CACNB4: variants seen among roughly 807,000 people sequenced by gnomAD.
The protein encoded by CACNB4 is calcium voltage-gated channel auxiliary subunit beta 4.
Under a neutral mutation model 71.2 loss-of-function variants are expected in CACNB4, and 32 were observed. The ratio of observed to expected loss-of-function variants is 0.45; its 90% CI spans 0.34 to 0.60. CACNB4 has a LOEUF of 0.60. Ranked by LOEUF, CACNB4 falls within the 20% of genes least tolerant of loss-of-function variation. The pLI is 0.01. For missense variants in CACNB4, 464 were observed against 647.9 expected, an observed-to-expected ratio of 0.72 and a Z score of 3.08; for synonymous variants, 231 against 236.9, an observed-to-expected ratio of 0.97 and a Z score of 0.23.
At chr2:152,007,774 ATT>A (rs35311254) in intron 2 of CACNB4, among the ~76,000 whole-genome samples, 53 of 144,682 alleles carry the variant, frequency 3.7e-4, no homozygotes, top group Middle Eastern at 7.1e-3. Context: ...ATTCTACGTA[ATT>A]TTTTTTTTTT....
intron 2 of CACNB4, among the ~76,000 whole-genome samples, chr2:152,057,441 A>G (rs1685783505): frequency 6.6e-6 from 1 of 152,214 alleles, no homozygotes; most frequent in African/African-American, 2.4e-5. Flanking sequence ...ACAAAAACCT[A>G]AAAATAAACA....
intron 2 of CACNB4, among the ~76,000 whole-genome samples, chr2:152,028,228 G>A (rs750192163): frequency 1.3e-5 from 2 of 152,134 alleles, no homozygotes; most frequent in Admixed American, 1.3e-4. Flanking sequence ...TGAACCAAAG[G>A]GTTGTGGATT....
chr2:151,954,305 GTA>G (rs1255428694), intron 2 of CACNB4, among the ~76,000 whole-genome samples: 17 of 152,188 alleles, frequency 1.1e-4, no homozygotes, highest in Admixed American at 6.5e-5. Context: ...AATTAATAGA[GTA>G]ATTTTATTTA....
rs1189088979 is a variant in CACNB4, at chr2:151,853,498, G to A, written c.1066C>T (p.His356Tyr). 7.5e-6 allele frequency: 12 copies of A among 1,600,652 alleles called. No homozygotes were observed. The Admixed American group carries it at 2.1e-4, about 28-fold the overall frequency. Residue 356 changes from histidine (H) to tyrosine (Y), a missense_variant, in exon 12 of 14, where the codon CAC (histidine) becomes TAC (tyrosine). His to Tyr is a moderately conservative substitution (Grantham distance 83). Coordinates refer to ENST00000539935, the MANE Select transcript of CACNB4 (RefSeq NM_000726.5). Reference sequence around the variant, plus strand: ...GCTGCCACCAGTTGAACATTCAAGTGTTTACTTTGTGACTTTCCTCTAGAT... The same window carrying A: ...GCTGCCACCAGTTGAACATTCAAGTATTTACTTTGTGACTTTCCTCTAGAT... ...IKSRGKSQSK[H>Y]LNVQLVAADK...
At chr2:151,867,429 G>C (rs1160878200) in intron 9 of CACNB4, 1 of 152,190 alleles carries the variant, frequency 6.6e-6, no homozygotes, top group Non-Finnish European at 1.5e-5. Context: ...GTTTCAAACA[G>C]AAGCAGGTTG....
chr2:151,976,532 TA>T (rs932851213), intron 2 of CACNB4, among the ~76,000 whole-genome samples: 5 of 152,096 alleles, frequency 3.3e-5, no homozygotes, highest in African/African-American at 1.2e-4. Flanking sequence ...CCACAGCTGA[TA>T]ACTAAAAATC....
intron 3 of CACNB4, 55 bp downstream of exon 3, chr2:151,883,196 G>C: frequency 1.3e-5 from 21 of 1,581,194 alleles, no homozygotes; most frequent in Non-Finnish European, 1.8e-5. Context: ...AAGAGCAGCT[G>C]GTAGCCACTG....
intron 2 of CACNB4, among the ~76,000 whole-genome samples, chr2:151,992,293 G>A (rs984177655): frequency 2.6e-5 from 4 of 152,196 alleles, no homozygotes; most frequent in African/African-American, 9.7e-5. Context: ...TTATGTGTGG[G>A]TATAAGACAA....
Position 151,839,298 on chromosome 2 carries a change from A to C in CACNB4, c.1384T>G (p.Tyr462Asp). 6.2e-7 allele frequency: 1 copy of C among 1,613,594 alleles called. No homozygotes were observed. The highest frequency in any genetic ancestry group is 2.2e-5 in the East Asian group (1 of 44,876). The part of the protein sequence containing the change: ...RRSLMTSDEN[Y>D]HNERARKSRN... Reference sequence around the variant, plus strand: ...CTCTTCCGAGCCCTTTCATTGTGATAATTTTCATCAGAGGTCATTAGACTT... The same window carrying C: ...CTCTTCCGAGCCCTTTCATTGTGATCATTTTCATCAGAGGTCATTAGACTT... The change falls in exon 14 of 14, where the codon TAT becomes GAT. Residue 462 changes from tyrosine (Y) to aspartate (D), a missense_variant. Physicochemically the swap from Tyr to Asp is radical, Grantham distance 160. Transcript: ENST00000539935.
rs185861340 is a variant in CACNB4 at position 152,035,826 on chromosome 2, T to G, written c.147+62504A>C. Among the ~76,000 whole-genome samples the G allele has an allele frequency of 4.2e-3, 637 of 152,222 alleles. 7 individuals are homozygous for G. The highest frequency in any genetic ancestry group is 6.3e-3 in the Non-Finnish European group (428 of 68,026). On this transcript the variant is annotated intron_variant, in intron 2 of 13. Transcript: ENST00000539935. ...AGAATAAATTAAATTCTCCATAAGA[T>G]TTTTAAACTCCATCATATCATTGAG...
At chr2:151,875,571 CG>C (rs2099845820) in intron 5 of CACNB4, among the ~76,000 whole-genome samples, 1 of 148,930 alleles carries the variant, frequency 6.7e-6, no homozygotes. Flanking sequence ...TAGGGGCGGC[CG>C]GGCAGAGGCG....
intron 2 of CACNB4, among the ~76,000 whole-genome samples, chr2:152,000,559 G>A (rs1355530521): frequency 6.6e-6 from 1 of 152,160 alleles, no homozygotes; most frequent in Non-Finnish European, 1.5e-5. Flanking sequence ...CCCGGATCCT[G>A]CAAACCCAAG....
rs1195374507 is a variant in CACNB4 at position 151,855,248 on chromosome 2, A to G, written c.996T>C (p.Val332=). 6.5e-7 allele frequency: 1 copy of G among 1,541,736 alleles called. No individual in the cohort carries two copies. Among genetic ancestry groups the G allele is most frequent in the Admixed American group, 1.7e-5 (1 of 59,004 alleles). ...LIKTSLAPII[V]HVKVSSPKVL... is the part of the protein sequence containing the mutation. ...CCTTTGGAGATGAGACTTTTACATG[A>G]ACAATAATTGGTGCTAAGGAAGTCT... The change falls in exon 11 of 14, where the codon GTT becomes GTC. Residue 332 remains valine (V), a synonymous_variant. Coordinates refer to ENST00000539935, the MANE Select transcript of CACNB4 (RefSeq NM_000726.5).
At position 151,839,279 on chromosome 2, in the gene CACNB4, C is replaced by T. The variant is rs1169898698; in HGVS notation, c.1403G>A (p.Arg468Gln). 14 of 1,613,534 alleles carry T rather than the reference C, an allele frequency of 8.7e-6. No individual in the cohort carries two copies. The highest frequency in any genetic ancestry group is 3.3e-5 in the Admixed American group (2 of 59,982). Residue 468 changes from arginine to glutamine, a missense_variant, in exon 14 of 14, where the codon CGG becomes CAG. Around this residue, in one of 3 missense-constraint regions of CACNB4, gnomAD observed 115 missense variants for 128.8 expected, o/e 0.89. Coordinates refer to ENST00000539935, the MANE Select transcript of CACNB4 (RefSeq NM_000726.5). ...GGAAGACAAGCGGTTCCTACTCTTC[C>T]GAGCCCTTTCATTGTGATAATTTTC... is the stretch of plus-strand genomic sequence containing the variant. ...SDENYHNERA[R>Q]KSRNRLSSSS...
chr2:151,855,236 G>A lies in CACNB4; in HGVS notation c.1008C>T (p.Val336=). Reference sequence around the variant, plus strand: ...AGGAGCTAATTACCTTTGGAGATGAGACTTTTACATGAACAATAATTGGTG... The same window carrying A: ...AGGAGCTAATTACCTTTGGAGATGAAACTTTTACATGAACAATAATTGGTG... ...SLAPIIVHVK[V]SSPKVLQRLI... is the part of the protein sequence containing the mutation. The change falls in exon 11 of 14, where the codon GTC becomes GTT. Residue 336 remains valine (V), a synonymous_variant. Coordinates refer to ENST00000539935, the MANE Select transcript of CACNB4 (RefSeq NM_000726.5). 6.5e-7 allele frequency: 1 copy of A among 1,533,564 alleles called. No individual in the cohort carries two copies. Among genetic ancestry groups the A allele is most frequent in the Non-Finnish European group, 8.9e-7 (1 of 1,122,812 alleles). 95.0% of individuals were successfully genotyped at this position (1,533,564 alleles called of 1,614,324 possible).
intron 2 of CACNB4, among the ~76,000 whole-genome samples, chr2:151,994,163 C>G (rs977369336): frequency 6.6e-6 from 1 of 151,614 alleles, no homozygotes; most frequent in African/African-American, 2.4e-5. Context: ...GAGAGAAAGA[C>G]TCTGTTTCTT....
At chr2:151,872,164 A>G (rs2099844801) in intron 6 of CACNB4, 1 of 363,522 alleles carries the variant, frequency 2.8e-6, no homozygotes, top group African/African-American at 2.2e-5. Context: ...ATCAATTTAC[A>G]CAATGGACAG....
At chr2:152,023,438 T>TTTTTTGGTGC (rs1491384587) in intron 2 of CACNB4, among the ~76,000 whole-genome samples, 8 of 132 alleles carry the variant, frequency 0.061, no homozygotes, top group Admixed American at 0.25. Context: ...TGAGAGGTGC[T>TTTTTTGGTGC]TTTTTTTTTT....
chr2:151,928,388 C>A (rs942588413), intron 2 of CACNB4, among the ~76,000 whole-genome samples: 3 of 152,152 alleles, frequency 2.0e-5, no homozygotes, highest in Admixed American at 1.3e-4. Flanking sequence ...CCAAAAGCAG[C>A]CCCATAAAGG....
Sources: allele counts gnomAD v4.1 joint callset (sites outside exome capture counted in the v4.1 genomes callset), GRCh38; gene constraint gnomAD v4.1.1; regional missense constraint gnomAD v4.1.1; transcripts MANE v1.5; gene names NCBI Gene and HGNC (gene_info 2026-07-23, HGNC 2026-07-21).